IL26: variants seen among roughly 807,000 people sequenced by gnomAD.
IL26 encodes the protein interleukin 26.
In IL26, 23 loss-of-function variants were observed where a neutral mutation model predicts 21.7. The observed-to-expected ratio is 1.06, with a 90% CI of 0.76 to 1.50. The LOEUF (loss-of-function observed/expected upper bound fraction) is 1.50. Among genes scored for constraint, IL26 ranks in the 40% most tolerant of loss-of-function variants. The pLI, the probability that IL26 is intolerant of heterozygous loss-of-function variation, is 0.00. For missense variants in IL26, 204 were observed against 196.0 expected (o/e 1.04, Z -0.24); for synonymous variants, 63 against 67.8 (o/e 0.93, Z 0.34).
intron 3 of IL26, among the ~76,000 whole-genome samples, chr12:68,202,663 C>T (rs890750016): frequency 1.5e-4 from 23 of 152,124 alleles, no homozygotes; most frequent in African/African-American, 5.6e-4. Context: ...ACAGGAGAAA[C>T]CTCCCCCATG....
intron 3 of IL26, among the ~76,000 whole-genome samples, chr12:68,213,852 A>G (rs1868801919): frequency 6.6e-6 from 1 of 151,896 alleles, no homozygotes; most frequent in Non-Finnish European, 1.5e-5. Flanking sequence ...TGTAGGCTCA[A>G]TTTCATTTGT....
intron 3 of IL26, among the ~76,000 whole-genome samples, chr12:68,222,684 G>A (rs943466519): frequency 1.3e-5 from 2 of 152,110 alleles, no homozygotes; most frequent in African/African-American, 2.4e-5. Flanking sequence ...AGAACGGAAG[G>A]CCCCCTCTCA....
chr12:68,206,687 A>G (rs566864488), intron 3 of IL26, among the ~76,000 whole-genome samples: 6 of 152,322 alleles, frequency 3.9e-5, no homozygotes, highest in African/African-American at 9.6e-5. Flanking sequence ...AAGTTAGCCT[A>G]TTCCTTCCTG....
intron 3 of IL26, among the ~76,000 whole-genome samples, chr12:68,205,706 TTCTG>T (rs1434766588): frequency 7.3e-6 from 1 of 136,224 alleles, no homozygotes; most frequent in Non-Finnish European, 1.7e-5. Flanking sequence ...ACATAGTAAT[TTCTG>T]TCTGACTTTT....
At chr12:68,212,678 G>C (rs1435924104) in intron 3 of IL26, among the ~76,000 whole-genome samples, 2 of 151,916 alleles carry the variant, frequency 1.3e-5, no homozygotes, top group East Asian at 1.9e-4. Flanking sequence ...TTGTAAATGG[G>C]ATTGCTTTTT....
At chr12:68,205,259 A>G (rs11571053) in intron 3 of IL26, among the ~76,000 whole-genome samples, 137 of 152,186 alleles carry the variant, frequency 9.0e-4, no homozygotes, top group African/African-American at 2.8e-3. Context: ...ACAGTTGAAC[A>G]ATGCTGGATA....
At chr12:68,212,439 T>A (rs927168228) in intron 3 of IL26, among the ~76,000 whole-genome samples, 2 of 152,140 alleles carry the variant, frequency 1.3e-5, no homozygotes, top group Non-Finnish European at 2.9e-5. Context: ...GCTAGAAGTA[T>A]CTTGATAGAA....
intron 3 of IL26, among the ~76,000 whole-genome samples, chr12:68,219,931 T>C (rs1259883492): frequency 4.6e-5 from 7 of 152,004 alleles, no homozygotes; most frequent in South Asian, 2.1e-4. Flanking sequence ...GGAAATATCA[T>C]GAAAAATTAT....
At position 68,201,853 on chromosome 12, in the gene IL26, T is replaced by G. The variant is rs770298339; in HGVS notation, c.508A>C (p.Ser170Arg). 8 of 1,589,956 alleles carry G rather than the reference T, an allele frequency of 5.0e-6. No homozygotes were observed. Among genetic ancestry groups the G allele is most frequent in the Admixed American group, 1.9e-5 (1 of 53,800 alleles). Residue 170 changes from serine (S) to arginine (R), a missense_variant, in exon 5 of 5, where the codon AGT (serine) becomes CGT (arginine). Ser to Arg is a moderately radical substitution (Grantham distance 110). Coordinates refer to ENST00000229134, the MANE Select transcript of IL26 (RefSeq NM_018402.2). ...LSWIKKLLESSQ is the reference protein window; with the variant it reads ...LSWIKKLLESRQ ...ATGTACTTGGCTTTGGTTTACTGAC[T>G]GCTTTCCAATAATTTTTTAATCCAG...
At chr12:68,220,909 T>C (rs1869027612) in intron 3 of IL26, among the ~76,000 whole-genome samples, 1 of 152,270 alleles carries the variant, frequency 6.6e-6, no homozygotes. Flanking sequence ...AGTGCTGGGA[T>C]TGTAGGCGTA....
intron 3 of IL26, among the ~76,000 whole-genome samples, chr12:68,204,892 T>A (rs1017377834): frequency 2.6e-5 from 4 of 152,216 alleles, no homozygotes; most frequent in African/African-American, 9.6e-5. Flanking sequence ...CAGATTGCTT[T>A]GCTTGGAAAG....
At chr12:68,209,230 A>C (rs1868632752) in intron 3 of IL26, among the ~76,000 whole-genome samples, 1 of 152,204 alleles carries the variant, frequency 6.6e-6, no homozygotes, top group Non-Finnish European at 1.5e-5. Context: ...GAGAAAAGAC[A>C]GTTTGAGAGA....
intron 3 of IL26, among the ~76,000 whole-genome samples, chr12:68,222,151 A>C (rs1407291782): frequency 6.6e-6 from 1 of 152,234 alleles, no homozygotes; most frequent in Non-Finnish European, 1.5e-5. Flanking sequence ...AGCATTTAAA[A>C]ATCCCATGCA....
chr12:68,210,912 G>A (rs193074503), intron 3 of IL26, among the ~76,000 whole-genome samples: 7 of 152,058 alleles, frequency 4.6e-5, no homozygotes, highest in East Asian at 1.9e-4. Flanking sequence ...ATTAAATTCC[G>A]AACTCAGCAA....
At chr12:68,220,448 A>G (rs1478042518) in intron 3 of IL26, among the ~76,000 whole-genome samples, 1 of 152,194 alleles carries the variant, frequency 6.6e-6, no homozygotes, top group Non-Finnish European at 1.5e-5. Flanking sequence ...AAATCATACA[A>G]TCCTGTCAAT....
chr12:68,215,149 ATACTT>A (rs1234338564), intron 3 of IL26, among the ~76,000 whole-genome samples: 3 of 152,214 alleles, frequency 2.0e-5, no homozygotes, highest in Admixed American at 1.3e-4. Context: ...TTTAAAAACT[ATACTT>A]TAACTCCATC....
Position 68,202,138 on chromosome 12 carries a change from T to A in IL26, c.364-55A>T, listed in dbSNP as rs1053253833. ...ATTGTTGAAGAGGCATTAATGATAC[T>A]CTTTCATTCATTCAACAAATATTTA... On this transcript the variant is annotated intron_variant, in intron 3 of 4. Transcript: ENST00000229134. 2.7e-6 allele frequency: 3 copies of A among 1,116,332 alleles called. No individual in the cohort carries two copies. In the African/African-American group the frequency reaches 4.7e-5, roughly 18 times the overall value. The allele number at this position is 1,116,332 out of a possible 1,614,324, so 69.2% of individuals were successfully genotyped here.
chr12:68,218,254 T>G (rs997595795), intron 3 of IL26, among the ~76,000 whole-genome samples: 1 of 151,978 alleles, frequency 6.6e-6, no homozygotes, highest in African/African-American at 2.4e-5. Context: ...ATCAATCAAT[T>G]GAAACCAACC....
At chr12:68,209,643 T>A (rs1868650881) in intron 3 of IL26, among the ~76,000 whole-genome samples, 1 of 152,050 alleles carries the variant, frequency 6.6e-6, no homozygotes, top group South Asian at 2.1e-4. Flanking sequence ...CCAAAAGCCG[T>A]GAGGGGTTTT....
Sources: allele counts gnomAD v4.1 joint callset (sites outside exome capture counted in the v4.1 genomes callset), GRCh38; gene constraint gnomAD v4.1.1; transcripts MANE v1.5; gene names NCBI Gene and HGNC (gene_info 2026-07-23, HGNC 2026-07-21).